Variants in ARAP2 observed in about 807,000 individuals in gnomAD.
ARAP2 encodes the protein ArfGAP with RhoGAP domain, ankyrin repeat and PH domain 2.
A neutral mutation model predicts 194.5 loss-of-function variants in ARAP2; 148 were observed. The observed-to-expected ratio is 0.76, with a 90% CI of 0.67 to 0.87. The LOEUF (loss-of-function observed/expected upper bound fraction) is 0.87, where lower values mean the gene tolerates loss of function less well. Among genes scored for constraint, ARAP2 ranks in the 40% least tolerant of loss-of-function variants. The probability of loss-of-function intolerance (pLI) is 0.00; values close to 1 mark genes in which losing one functional copy is unlikely to be tolerated. For missense variants in ARAP2, 2,128 were observed against 1,989.7 expected (o/e 1.07, Z -1.32); for synonymous variants, 695 against 683.5 (o/e 1.02, Z -0.26).
In ARAP2 at chr4:36,158,840, G is replaced by A. The variant is rs201489421; in HGVS notation, c.2642C>T (p.Ser881Phe). ...FSDFPQHDIH[S>F]EGVLSQESSQ... ...AGACTCTTGACTTAATACACCCTCG[G>A]AATGAATATCATGTTGAGGGAAATC... The change falls in exon 15 of 33, where the codon TCC (serine) becomes TTC (phenylalanine). Residue 881 changes from serine to phenylalanine, a missense_variant. Coordinates refer to ENST00000303965, the MANE Select transcript of ARAP2 (RefSeq NM_015230.4). 6.2e-7 allele frequency: 1 copy of A among 1,602,404 alleles called. No homozygotes were observed. Among genetic ancestry groups the A allele is most frequent in the East Asian group, 2.2e-5 (1 of 44,554 alleles).
chr4:36,122,194 T>C (rs1371199089), intron 22 of ARAP2, among the ~76,000 whole-genome samples: 1 of 151,762 alleles, frequency 6.6e-6, no homozygotes, highest in African/African-American at 2.4e-5. Context: ...TCAACCACTG[T>C]AGAAGACAGT....
intron 20 of ARAP2, among the ~76,000 whole-genome samples, chr4:36,129,936 C>T (rs1024330435): frequency 6.6e-6 from 1 of 151,892 alleles, no homozygotes; most frequent in Non-Finnish European, 1.5e-5. Context: ...CCTTCCACCC[C>T]CACCATGTTC....
At chr4:36,104,894 T>C (rs1717963065) in intron 27 of ARAP2, among the ~76,000 whole-genome samples, 2 of 151,966 alleles carry the variant, frequency 1.3e-5, no homozygotes, top group African/African-American at 4.8e-5. Context: ...TAAATCACTA[T>C]TTTTTTCATG....
intron 19 of ARAP2, among the ~76,000 whole-genome samples, chr4:36,142,987 CCAGG>C (rs1168229909): frequency 6.6e-6 from 1 of 151,664 alleles, no homozygotes; most frequent in Non-Finnish European, 1.5e-5. Context: ...TCATTATCTC[CCAGG>C]CTCTCTCCCA....
intron 8 of ARAP2, among the ~76,000 whole-genome samples, chr4:36,181,947 C>A (rs1296530714): frequency 6.6e-6 from 1 of 152,066 alleles, no homozygotes; most frequent in Non-Finnish European, 1.5e-5. Context: ...AGCCAAAAGC[C>A]TGATGGGAAA....
At chr4:36,176,570 A>G (rs1038360311) in intron 9 of ARAP2, among the ~76,000 whole-genome samples, 3 of 152,174 alleles carry the variant, frequency 2.0e-5, no homozygotes, top group Admixed American at 6.5e-5. Flanking sequence ...AGTAACTTCC[A>G]TACAGATACA....
chr4:36,010,767 C>T (rs190350776), intron 9 of ARAP2, among the ~76,000 whole-genome samples: 1 of 152,136 alleles, frequency 6.6e-6, no homozygotes, highest in Non-Finnish European at 1.5e-5. Context: ...CTTCCCCAAA[C>T]ATTTCCAGCT....
intron 3 of ARAP2, among the ~76,000 whole-genome samples, chr4:36,213,894 C>A (rs1747334579): frequency 6.6e-6 from 1 of 152,054 alleles, no homozygotes; most frequent in Non-Finnish European, 1.5e-5. Context: ...AAAAAGAATT[C>A]TCAATATTTG....
At chr4:36,080,482 T>C (rs537231872) in intron 30 of ARAP2, among the ~76,000 whole-genome samples, 7 of 152,206 alleles carry the variant, frequency 4.6e-5, no homozygotes, top group Non-Finnish European at 1.0e-4. Flanking sequence ...TGTAAATATA[T>C]TGGTTTAAAC....
intron 32 of ARAP2, among the ~76,000 whole-genome samples, chr4:36,072,076 T>C (rs975773743): frequency 5.9e-5 from 9 of 152,274 alleles, no homozygotes; most frequent in African/African-American, 1.9e-4. Flanking sequence ...TCTAATATTA[T>C]GGCAGATATT....
chr4:36,023,248 T>G (rs1407160099), intron 5 of ARAP2, among the ~76,000 whole-genome samples: 1 of 152,170 alleles, frequency 6.6e-6, no homozygotes, highest in South Asian at 2.1e-4. Flanking sequence ...AAACAAAATG[T>G]CACTTGGGTC....
intron 5 of ARAP2, among the ~76,000 whole-genome samples, chr4:36,035,831 T>C (rs1444699706): frequency 1.3e-5 from 2 of 152,328 alleles, no homozygotes; most frequent in East Asian, 3.9e-4. Context: ...TGATGCAAGG[T>C]AGTTGTCAAA....
chr4:36,210,579 G>T lies in ARAP2; in HGVS notation c.1298C>A (p.Ser433Tyr). ...CAAGGCTTTTTGAGTCCTAGATTTAGATGCCTTTGAATTTTTTCTTCTTAA... is the reference window on the plus strand; with the variant it reads ...CAAGGCTTTTTGAGTCCTAGATTTATATGCCTTTGAATTTTTTCTTCTTAA... The part of the protein sequence containing the change: ...QSLRRKNSKA[S>Y]KSRTQKALIL... Residue 433 changes from serine to tyrosine, a missense_variant, in exon 6 of 33, where the codon TCT (serine) becomes TAT (tyrosine). By Grantham distance (144) the Ser-to-Tyr change is moderately radical. Transcript: ENST00000303965. 1 of 1,613,888 alleles carries T rather than the reference G, an allele frequency of 6.2e-7. No homozygotes were observed. Among genetic ancestry groups the T allele is most frequent in the Non-Finnish European group, 8.5e-7 (1 of 1,179,862 alleles).
intron 20 of ARAP2, among the ~76,000 whole-genome samples, chr4:36,130,082 A>T (rs948834100): frequency 6.6e-6 from 1 of 151,512 alleles, no homozygotes; most frequent in East Asian, 1.9e-4. Context: ...CTTCATCATG[A>T]TCTCACTCTC....
At chr4:36,095,991 C>A (rs1057397150) in intron 27 of ARAP2, among the ~76,000 whole-genome samples, 1 of 152,012 alleles carries the variant, frequency 6.6e-6, no homozygotes. Flanking sequence ...CAGTTTAATA[C>A]CTTTCTGATA....
chr4:36,161,516 C>G lies in ARAP2; in HGVS notation c.2208G>C (p.Lys736Asn). 6.2e-7 allele frequency: 1 copy of G among 1,614,050 alleles called. No individual in the cohort carries two copies. The highest frequency in any genetic ancestry group is 8.5e-7 in the Non-Finnish European group (1 of 1,179,958). ...TAGCATCCATTTTTAGACTTCTAAC[C>G]TTGGAATCTTTTGGTCCTAAAGATC... ...QHRSLGPKDSKVRSLKMDASI... is the reference protein window; with the variant it reads ...QHRSLGPKDSNVRSLKMDASI... The change falls in exon 12 of 33, where the codon AAG becomes AAC. Residue 736 changes from lysine (K) to asparagine (N), a missense_variant. By Grantham distance (94) the Lys-to-Asn change is moderately conservative. Coordinates refer to ENST00000303965, the MANE Select transcript of ARAP2 (RefSeq NM_015230.4).
At position 36,167,481 on chromosome 4, in the gene ARAP2, GAA is replaced by G. The variant is rs544591380; in HGVS notation, c.1858-436_1858-435del. Reference sequence around the variant, plus strand: ...AGGCACAAAGGAAGAAGGTTACATGGAAAGTTCAGCTAGTTGTATGTGGTAGA... The same window carrying G: ...AGGCACAAAGGAAGAAGGTTACATGGAGTTCAGCTAGTTGTATGTGGTAGA... On this transcript the variant is annotated intron_variant, in intron 9 of 32. Transcript: ENST00000303965. 2.8e-4 allele frequency among the ~76,000 whole-genome samples: 42 copies of G among 152,246 alleles called. No homozygotes were observed. The East Asian group carries it at 5.4e-3, about 20-fold the overall frequency.
rs1577947407 is a variant in ARAP2 at position 36,117,105 on chromosome 4, C to T, written c.3994G>A (p.Val1332Ile). 1.3e-6 allele frequency: 2 copies of T among 1,599,810 alleles called. No individual in the cohort carries two copies. The highest frequency in any genetic ancestry group is 1.7e-6 in the Non-Finnish European group (2 of 1,173,490). ...TCGGGTTCCTTCCTTTCTACATATA[C>T]TTCAATTAACAAATCTCCAGCCTGG... ...VSQAGDLLIEVYVERKEPDCS... is the reference protein window; with the variant it reads ...VSQAGDLLIEIYVERKEPDCS... The change falls in exon 25 of 33, where the codon GTA becomes ATA. Residue 1332 changes from valine (V) to isoleucine (I), a missense_variant. Physicochemically the swap from Val to Ile is conservative, Grantham distance 29. Transcript: ENST00000303965.
Position 36,117,129 on chromosome 4 carries a change from G to A in ARAP2, c.3970C>T (p.Gln1324Ter). The change falls in exon 25 of 33, where the codon CAG (glutamine) becomes TAG (stop). Residue 1324 changes from glutamine (Q) to a stop codon, truncating the protein, a stop_gained. Coordinates refer to ENST00000303965, the MANE Select transcript of ARAP2 (RefSeq NM_015230.4). LOFTEE classifies it high-confidence loss of function. ...ITKWKDTQVS[Q>*]AGDLLIEVYV... is the part of the protein sequence containing the mutation. ...ACTTCAATTAACAAATCTCCAGCCT[G>A]GGAAACCTAGAAAAGGGCAGAGGTA... 6.3e-7 allele frequency: 1 copy of A among 1,594,274 alleles called. No individual in the cohort carries two copies. Among genetic ancestry groups the A allele is most frequent in the East Asian group, 2.3e-5 (1 of 43,482 alleles).
Sources: gnomAD v4.1 joint callset for allele counts (sites outside exome capture counted in the v4.1 genomes callset) on GRCh38, gnomAD v4.1.1 for gene constraint, MANE v1.5 for transcripts, NCBI Gene and HGNC (gene_info 2026-07-23, HGNC 2026-07-21) for gene names.